RBFOX3: variants seen among roughly 807,000 people sequenced by gnomAD.
RBFOX3 encodes RNA binding protein fox-1 homolog 3.
Under a neutral mutation model 48.7 loss-of-function variants are expected in RBFOX3, and 17 were observed. The ratio of observed to expected loss-of-function variants is 0.35; its 90% confidence interval spans 0.24 to 0.52. The LOEUF (loss-of-function observed/expected upper bound fraction) is 0.52. RBFOX3 is among the 20% of genes least tolerant of loss of function. RBFOX3 has a pLI of 0.94. For synonymous variants in RBFOX3, 212 were observed against 209.5 expected (o/e 1.01, Z -0.10); for missense variants, 382 against 497.5 (o/e 0.77, Z 2.21).
At chr17:79,335,040 A>G (rs2080979543) in intron 2 of RBFOX3, among the ~76,000 whole-genome samples, 1 of 152,166 alleles carries the variant, frequency 6.6e-6, no homozygotes, top group South Asian at 2.1e-4. Flanking sequence ...TGCTGCCTGG[A>G]GCCTCACTAG....
intron 2 of RBFOX3, among the ~76,000 whole-genome samples, chr17:79,357,035 T>C: frequency 6.6e-6 from 1 of 152,342 alleles, no homozygotes. Context: ...CAGTGACAAC[T>C]GGGGAGCCGG....
chr17:79,482,910 A>C lies in RBFOX3; in HGVS notation c.-319-312T>G, dbSNP rs2078969774. On this transcript the variant is annotated intron_variant, in intron 1 of 14. Coordinates refer to ENST00000693108, the MANE Select transcript of RBFOX3 (RefSeq NM_001350451.2). This position sits in a 1 kb window ranked among gnomAD's most constrained non-coding sequence, Gnocchi z 4.1. ...TTGCAATGGTCCCCCAATCCCAGGG[A>C]CTCTTCCACCCCACCACGCTGGCCC... Among the ~76,000 whole-genome samples, 1 of 150,576 alleles carries C rather than the reference A, an allele frequency of 6.6e-6. No homozygotes were observed. Among genetic ancestry groups the C allele is most frequent in the Non-Finnish European group, 1.5e-5 (1 of 67,618 alleles).
intron 2 of RBFOX3, among the ~76,000 whole-genome samples, chr17:79,369,327 C>G (rs1238336880): frequency 6.6e-6 from 1 of 152,206 alleles, no homozygotes; most frequent in African/African-American, 2.4e-5. Context: ...TGCCCCCACT[C>G]CCCGGGGAGG....
Position 79,411,151 on chromosome 17 carries a change from G to A in RBFOX3, c.-175+71303C>T, listed in dbSNP as rs568987055. ...CACCAGGCGCTGTGCCGACGGAGCC[G>A]ATGCTGTCACGTAACCGGATCAAAT... On this transcript the variant is annotated intron_variant, in intron 2 of 14. Coordinates refer to ENST00000693108, the MANE Select transcript of RBFOX3 (RefSeq NM_001350451.2). Among the ~76,000 whole-genome samples, 3 of 152,288 alleles carry A rather than the reference G, an allele frequency of 2.0e-5. No homozygotes were observed. The South Asian group carries it at 6.2e-4, about 32-fold the overall frequency.
intron 1 of RBFOX3, among the ~76,000 whole-genome samples, chr17:79,596,206 T>G (rs1381532667): frequency 2.0e-5 from 3 of 152,180 alleles, no homozygotes; most frequent in Non-Finnish European, 4.4e-5. Flanking sequence ...TTGCACACGC[T>G]CCAAGGTTCA....
intron 1 of RBFOX3, among the ~76,000 whole-genome samples, chr17:79,572,561 G>A (rs1232478160): frequency 6.6e-6 from 1 of 152,146 alleles, no homozygotes; most frequent in Non-Finnish European, 1.5e-5. Context: ...ACAGGGTGGG[G>A]GGAGGGAGGG....
intron 2 of RBFOX3, among the ~76,000 whole-genome samples, chr17:79,320,872 A>AG (rs1296660959): frequency 6.6e-6 from 1 of 152,102 alleles, no homozygotes; most frequent in African/African-American, 2.4e-5. Flanking sequence ...CATCGCTAAC[A>AG]GGTAGGGGGA....
At chr17:79,106,056 G>C (rs984301994) in intron 6 of RBFOX3, among the ~76,000 whole-genome samples, 2 of 152,312 alleles carry the variant, frequency 1.3e-5, no homozygotes, top group Admixed American at 6.5e-5. Flanking sequence ...TGCAAAACCC[G>C]GAACAGGCCC....
chr17:79,501,051 A>G (rs902799864), intron 1 of RBFOX3, among the ~76,000 whole-genome samples: 1 of 152,232 alleles, frequency 6.6e-6, no homozygotes, highest in Non-Finnish European at 1.5e-5. Context: ...CTGCAAGACC[A>G]TTAGGGATTC....
At chr17:79,424,471 C>T (rs1169393727) in intron 2 of RBFOX3, among the ~76,000 whole-genome samples, 1 of 152,200 alleles carries the variant, frequency 6.6e-6, no homozygotes, top group African/African-American at 2.4e-5. Context: ...TCTCGACTCT[C>T]AGCAGCCATG....
At chr17:79,229,819 TG>T (rs1400583356) in intron 4 of RBFOX3, among the ~76,000 whole-genome samples, 1 of 152,176 alleles carries the variant, frequency 6.6e-6, no homozygotes, top group Non-Finnish European at 1.5e-5. Flanking sequence ...AACGTGGGCC[TG>T]GGTGAATAAT....
At chr17:79,267,460 G>A (rs750127587) in intron 3 of RBFOX3, among the ~76,000 whole-genome samples, 3 of 151,880 alleles carry the variant, frequency 2.0e-5, no homozygotes, top group Admixed American at 6.6e-5. Flanking sequence ...GCGCGATCTC[G>A]GCTTACTGCA....
intron 3 of RBFOX3, among the ~76,000 whole-genome samples, chr17:79,294,478 T>G (rs546673705): frequency 6.6e-6 from 1 of 152,120 alleles, no homozygotes; most frequent in African/African-American, 2.4e-5. Flanking sequence ...GCCCAGCTAA[T>G]TTTTTGTATT....
intron 1 of RBFOX3, among the ~76,000 whole-genome samples, chr17:79,557,237 A>C (rs1458652885): frequency 6.6e-6 from 1 of 151,400 alleles, no homozygotes; most frequent in African/African-American, 2.4e-5. Context: ...AAAAAAAAAA[A>C]AAAAAAAAAA....
intron 1 of RBFOX3, among the ~76,000 whole-genome samples, chr17:79,589,758 T>C (rs1339190868): frequency 6.6e-6 from 1 of 151,878 alleles, no homozygotes. Flanking sequence ...AATACCCCCA[T>C]GTGGGTTTGG....
chr17:79,493,247 T>TA (rs1349761893), intron 1 of RBFOX3, among the ~76,000 whole-genome samples: 5 of 151,976 alleles, frequency 3.3e-5, no homozygotes, highest in Admixed American at 6.6e-5. Context: ...AAGGGGGTGG[T>TA]ACTAAGCCAT....
At chr17:79,578,846 G>T (rs2092949451) in intron 1 of RBFOX3, among the ~76,000 whole-genome samples, 1 of 152,220 alleles carries the variant, frequency 6.6e-6, no homozygotes, top group African/African-American at 2.4e-5. Context: ...CTGGCACAGG[G>T]TCTTTGCCCA....
At chr17:79,147,062 C>T (rs979318306) in intron 4 of RBFOX3, among the ~76,000 whole-genome samples, 11 of 152,228 alleles carry the variant, frequency 7.2e-5, no homozygotes, top group Admixed American at 2.0e-4. Flanking sequence ...CCGGGTGTCC[C>T]GGGGTCAGCC....
chr17:79,353,904 G>A (rs539447789), intron 2 of RBFOX3, among the ~76,000 whole-genome samples: 2 of 152,258 alleles, frequency 1.3e-5, no homozygotes, highest in Non-Finnish European at 2.9e-5. Context: ...TCCCACCCCC[G>A]CGTTACCCAC....
Sources: gnomAD v4.1 joint callset for allele counts (sites outside exome capture counted in the v4.1 genomes callset) on GRCh38, gnomAD v4.1.1 for gene constraint, Gnocchi (gnomAD v3.1) non-coding constraint, MANE v1.5 for transcripts, NCBI Gene and HGNC (gene_info 2026-07-23, HGNC 2026-07-21) for gene names.